The following VAV1 variants were observed in gnomAD, a reference collection of about 807,000 sequenced individuals.
VAV1 encodes the protein vav guanine nucleotide exchange factor 1.
VAV1 carries 33 observed loss-of-function variants against 128.1 expected under a neutral mutation model. The observed-to-expected ratio is 0.26, with a 90% CI of 0.20 to 0.34. The LOEUF (loss-of-function observed/expected upper bound fraction) is 0.34. Among genes scored for constraint, VAV1 ranks in the 10% least tolerant of loss-of-function variants. The pLI is 1.00. For synonymous variants in VAV1, 394 were observed against 409.8 expected, an observed-to-expected ratio of 0.96 and a Z score of 0.47; for missense variants, 715 against 1,093.7, an observed-to-expected ratio of 0.65 and a Z score of 4.88.
chr19:6,779,075 A>G (rs1260401423), intron 1 of VAV1, among the ~76,000 whole-genome samples: 1 of 135,644 alleles, frequency 7.4e-6, no homozygotes, highest in Non-Finnish European at 1.6e-5. Flanking sequence ...TTTCTGAGAC[A>G]GGGTCTCAAT....
chr19:6,824,981 C>T, intron 6 of VAV1, 72 bp from the exon 7 acceptor site: 1 of 1,479,280 alleles, frequency 6.8e-7, no homozygotes, highest in Non-Finnish European at 9.5e-7. Flanking sequence ...CTGTCTCCTT[C>T]CCCTGTCTCT....
At position 6,772,745 on chromosome 19, in the gene VAV1, G is replaced by A; in HGVS notation, c.-63G>A. The A allele has an allele frequency of 2.6e-6, 4 of 1,546,258 alleles. No individual in the cohort carries two copies. Among genetic ancestry groups the A allele is most frequent in the South Asian group, 1.2e-5 (1 of 84,396 alleles). ...CGCTCCACAGGCGAGCAGGGCAGGC[G>A]TGCGGGCGGGTGGGTGGTGGAGGCT... On this transcript the variant is annotated 5_prime_UTR_variant, in exon 1 of 27. It adds an upstream start codon to the 5' untranslated region. Transcript: ENST00000602142. This position sits in a 1 kb window ranked among gnomAD's most constrained non-coding sequence, Gnocchi z 4.8.
intron 1 of VAV1, among the ~76,000 whole-genome samples, chr19:6,810,534 C>T: frequency 6.6e-6 from 1 of 151,466 alleles, no homozygotes; most frequent in East Asian, 1.9e-4. Flanking sequence ...TGAAACCCTG[C>T]CTCTACTAAA....
chr19:6,805,583 T>TATACACACACACACAC (rs370624141), intron 1 of VAV1, among the ~76,000 whole-genome samples: 2 of 139,006 alleles, frequency 1.4e-5, no homozygotes, highest in African/African-American at 2.6e-5. Context: ...TTTCTACAGA[T>TATACACACACACACAC]ACACACACAC....
In VAV1 at chr19:6,808,038, C is replaced by T. The variant is rs139752709; in HGVS notation, c.205-12664C>T. Reference sequence around the variant, plus strand: ...AGAAAAAGTTAAAAAAAAGGCCGGGCGCGGTGGCTCAAGCCTATAATCCCA... The same window carrying T: ...AGAAAAAGTTAAAAAAAAGGCCGGGTGCGGTGGCTCAAGCCTATAATCCCA... On this transcript the variant is annotated intron_variant, in intron 1 of 26. Coordinates refer to ENST00000602142, the MANE Select transcript of VAV1 (RefSeq NM_005428.4). 2.6e-3 allele frequency among the ~76,000 whole-genome samples: 382 copies of T among 147,028 alleles called. 3 individuals are homozygous for T. The East Asian group carries it at 0.051, about 20-fold the overall frequency.
intron 1 of VAV1, among the ~76,000 whole-genome samples, chr19:6,817,997 T>C (rs1808563): frequency 0.13 from 20,196 of 152,186 alleles, 1,514 homozygotes; most frequent in African/African-American, 0.2. Context: ...TAAATTTGTT[T>C]TTGTAGAAAT....
At chr19:6,852,902 T>C in intron 24 of VAV1, 63 bp from the exon 25 acceptor site, 2 of 1,410,930 alleles carry the variant, frequency 1.4e-6, no homozygotes, top group Non-Finnish European at 2.0e-6. Flanking sequence ...TGGCTGTTCC[T>C]AGCTCTGCCC....
At position 6,821,945 on chromosome 19, in the gene VAV1, G is replaced by A. The variant is rs569809435; in HGVS notation, c.449+86G>A. ...GTGGGGGGACATGGCCTTGCCCTCCGGGAAATAAGGTCATACCCTGGTGTC... is the reference window on the plus strand; with the variant it reads ...GTGGGGGGACATGGCCTTGCCCTCCAGGAAATAAGGTCATACCCTGGTGTC... On this transcript the variant is annotated intron_variant, in intron 4 of 26. Transcript: ENST00000602142. 1,535 of 1,547,620 alleles carry A rather than the reference G, an allele frequency of 9.9e-4. 13 individuals are homozygous for A. The Middle Eastern group carries it at 0.01, about 10-fold the overall frequency.
At chr19:6,844,089 TTTTTTTTTTTTTTTTG>T in intron 22 of VAV1, among the ~76,000 whole-genome samples, 2 of 119,556 alleles carry the variant, frequency 1.7e-5, no homozygotes, top group Admixed American at 8.6e-5. Context: ...TTTTTTTTTT[TTTTTTTTTTTTTTTTG>T]CAAATGAGGC....
chr19:6,850,027 G>A (rs1245505091), intron 23 of VAV1, among the ~76,000 whole-genome samples: 1 of 151,792 alleles, frequency 6.6e-6, no homozygotes, highest in African/African-American at 2.4e-5. Context: ...TTTCCGCAGT[G>A]GCTGAACCAA....
In VAV1 at chr19:6,855,802, CATCTATCTATCTATCT is replaced by C. The variant is rs58591070; in HGVS notation, c.2485-1224_2485-1209del. On this transcript the variant is annotated intron_variant, in intron 26 of 26. Coordinates refer to ENST00000602142, the MANE Select transcript of VAV1 (RefSeq NM_005428.4). ...CAACCCAAGTATCCATCCACCCATT[CATCTATCTATCTATCT>C]ATCTATCTATCTATCTATCTATCTA... is the stretch of plus-strand genomic sequence containing the variant. Among the ~76,000 whole-genome samples the C allele has an allele frequency of 3.3e-3, 496 of 149,600 alleles. 1 individual carries two copies. The highest frequency in any genetic ancestry group is 7.5e-3 in the African/African-American group (305 of 40,620).
rs185539571 is a variant in VAV1, at chr19:6,800,413, G to A, written c.205-20289G>A. ...CAACCTCTGCCTCCTGGGTTCAAGCGATTCTCCTTCCTCTGCTTTCCAAGT... is the reference window on the plus strand; with the variant it reads ...CAACCTCTGCCTCCTGGGTTCAAGCAATTCTCCTTCCTCTGCTTTCCAAGT... On this transcript the variant is annotated intron_variant, in intron 1 of 26. Coordinates refer to ENST00000602142, the MANE Select transcript of VAV1 (RefSeq NM_005428.4). 2.1e-3 allele frequency among the ~76,000 whole-genome samples: 316 copies of A among 151,408 alleles called. 1 individual carries two copies. Among genetic ancestry groups the A allele is most frequent in the African/African-American group, 7.5e-3 (308 of 41,254 alleles).
intron 6 of VAV1, 23 bp from the exon 7 acceptor site, chr19:6,825,030 A>T: frequency 6.2e-7 from 1 of 1,613,576 alleles, no homozygotes; most frequent in Non-Finnish European, 8.5e-7. Flanking sequence ...ATCTTCCGTC[A>T]TCTTTCTCTC....
intron 14 of VAV1, 87 bp from the exon 15 acceptor site, chr19:6,832,004 G>A (rs1043569434): frequency 9.2e-7 from 1 of 1,087,192 alleles, no homozygotes; most frequent in African/African-American, 1.7e-5. Flanking sequence ...GGGCTTGCCT[G>A]TTCCCTACAG....
rs555984762 is a variant in VAV1, at chr19:6,785,476, C to T, written c.204+12465C>T. ...CCTCCCAAGTAGCTGGGATTACAGG[C>T]ATGTGCCACCATGCCTGGCTAATTT... is the stretch of plus-strand genomic sequence containing the variant. On this transcript the variant is annotated intron_variant, in intron 1 of 26. Coordinates refer to ENST00000602142, the MANE Select transcript of VAV1 (RefSeq NM_005428.4). 3.4e-3 allele frequency among the ~76,000 whole-genome samples: 515 copies of T among 150,302 alleles called. 5 individuals carry two copies. Among genetic ancestry groups the T allele is most frequent in the African/African-American group, 0.012 (493 of 40,900 alleles).
chr19:6,842,032 C>G (rs1972391008), intron 21 of VAV1, among the ~76,000 whole-genome samples: 1 of 151,704 alleles, frequency 6.6e-6, no homozygotes, highest in South Asian at 2.1e-4. Flanking sequence ...TTGAGACCAG[C>G]CCGACCAACA....
At chr19:6,802,847 C>T (rs1371959013) in intron 1 of VAV1, among the ~76,000 whole-genome samples, 1 of 152,228 alleles carries the variant, frequency 6.6e-6, no homozygotes, top group African/African-American at 2.4e-5. Context: ...TTTCCTCTGT[C>T]AAAGGGAGAT....
chr19:6,855,646 T>A (rs1972775897), intron 26 of VAV1, among the ~76,000 whole-genome samples: 1 of 152,078 alleles, frequency 6.6e-6, no homozygotes. Context: ...CATCCATCCA[T>A]CTATCCATGC....
At chr19:6,804,769 G>C (rs181314940) in intron 1 of VAV1, among the ~76,000 whole-genome samples, 4,720 of 148,396 alleles carry the variant, frequency 0.032, 93 homozygotes, top group Middle Eastern at 0.071. Flanking sequence ...TGTCGCACAG[G>C]CTGGAGTGCA....
Sources: gnomAD v4.1 joint callset for allele counts (sites outside exome capture counted in the v4.1 genomes callset) on GRCh38, gnomAD v4.1.1 for gene constraint, Gnocchi (gnomAD v3.1) non-coding constraint, MANE v1.5 for transcripts, NCBI Gene and HGNC (gene_info 2026-07-23, HGNC 2026-07-21) for gene names.